The following ENOSF1 variants were observed in gnomAD, a reference collection of about 807,000 sequenced individuals.
ENOSF1 encodes the protein enolase superfamily member 1, also known as mitochondrial enolase superfamily member 1.
A neutral mutation model predicts 68.2 loss-of-function variants in ENOSF1; 73 were observed. That is an observed-to-expected ratio of 1.07 (90% confidence interval 0.89 to 1.30). ENOSF1 has a LOEUF of 1.30. ENOSF1 is among the 50% of genes most tolerant of loss of function. The pLI, the probability that ENOSF1 is intolerant of heterozygous loss-of-function variation, is 0.00. For missense variants in ENOSF1, 589 were observed against 554.5 expected (o/e 1.06, Z -0.62); for synonymous variants, 223 against 210.4 (o/e 1.06, Z -0.52).
At chr18:675,287 T>C (rs778908111) in intron 15 of ENOSF1, 34 bp downstream of exon 15, 1 of 1,556,358 alleles carries the variant, frequency 6.4e-7, no homozygotes, top group East Asian at 2.3e-5. Context: ...GCTGGCAGCA[T>C]CTCTTCTACA....
Position 688,537 on chromosome 18 carries a change from C to T in ENOSF1, c.653+37G>A, listed in dbSNP as rs199981269. 120 of 1,613,798 alleles carry T rather than the reference C, an allele frequency of 7.4e-5. No homozygotes were observed. The African/African-American group carries it at 1.2e-3, about 17-fold the overall frequency. ...GACTTACTGCCTGAGTCTCTCCTGC[C>T]GCCAACTGGGAAAGTCAGGTCCATC... On this transcript the variant is annotated intron_variant, in intron 9 of 15. Transcript: ENST00000647584.
At position 685,928 on chromosome 18, in the gene ENOSF1, T is replaced by A; in HGVS notation, c.734A>T (p.Lys245Met). The part of the protein sequence containing the change: ...QIIRDMIGPE[K>M]TLMMDANQRW... ...GTGTGAGAGGATATTTACCAAAGTC[T>A]TTTCCGGTCCAATCATGTCTCGGAT... is the stretch of plus-strand genomic sequence containing the variant. Residue 245 changes from lysine (K) to methionine (M), a missense_variant, in exon 10 of 16, where the codon AAG (lysine) becomes ATG (methionine). Transcript: ENST00000647584. The A allele has an allele frequency of 6.2e-7, 1 of 1,613,420 alleles. No homozygotes were observed. The highest frequency in any genetic ancestry group is 8.5e-7 in the Non-Finnish European group (1 of 1,179,386).
rs545672205 is a variant in ENOSF1 at position 674,670 on chromosome 18, C to T, written c.1231-264G>A. On this transcript the variant is annotated intron_variant, in intron 15 of 15. Transcript: ENST00000647584. ...TGTAGCTGGGATCACAGGCACCTGCCACCATGCCCGGCTAATTTTTTGTAT... is the reference window on the plus strand; with the variant it reads ...TGTAGCTGGGATCACAGGCACCTGCTACCATGCCCGGCTAATTTTTTGTAT... Among the ~76,000 whole-genome samples, 125 of 152,302 alleles carry T rather than the reference C, an allele frequency of 8.2e-4. 2 individuals carry two copies. The highest frequency in any genetic ancestry group is 2.9e-3 in the African/African-American group (122 of 41,568).
intron 3 of ENOSF1, among the ~76,000 whole-genome samples, chr18:695,214 C>T (rs1440258731): frequency 1.3e-5 from 2 of 152,144 alleles, no homozygotes; most frequent in Non-Finnish European, 2.9e-5. Flanking sequence ...TAAAAGAGTA[C>T]AGGCCACTTG....
At chr18:698,173 TGAGTA>T (rs1325318969) in intron 2 of ENOSF1, among the ~76,000 whole-genome samples, 11 of 152,228 alleles carry the variant, frequency 7.2e-5, no homozygotes, top group African/African-American at 2.4e-4. Context: ...CTAAACTTCC[TGAGTA>T]GAGAACACAT....
In ENOSF1 at chr18:670,509, T is replaced by G. The variant is rs1241401966; in HGVS notation, c.*3796A>C. On this transcript the variant is annotated 3_prime_UTR_variant, in exon 16 of 16. Coordinates refer to ENST00000647584, the MANE Select transcript of ENOSF1 (RefSeq NM_017512.7). ...CCTGCAGAAACCTTGCACCGATGGATAGTCTCCCTCAGCTCCGTGCCATCG... is the reference window on the plus strand; with the variant it reads ...CCTGCAGAAACCTTGCACCGATGGAGAGTCTCCCTCAGCTCCGTGCCATCG... The G allele has an allele frequency of 1.6e-6, 1 of 609,716 alleles. No individual in the cohort carries two copies. Among genetic ancestry groups the G allele is most frequent in the Non-Finnish European group, 2.9e-6 (1 of 349,900 alleles). 37.8% of individuals were successfully genotyped at this position (609,716 alleles called of 1,614,324 possible). A position where few individuals can be genotyped will look rare whatever the true frequency, so the allele number is the denominator to read the frequency against.
rs2075253146 is a variant in ENOSF1 at position 674,381 on chromosome 18, T to G, written c.1256A>C (p.Lys419Thr). 1 of 1,612,460 alleles carries G rather than the reference T, an allele frequency of 6.2e-7. No homozygotes were observed. The highest frequency in any genetic ancestry group is 8.5e-7 in the Non-Finnish European group (1 of 1,179,446). Residue 419 changes from lysine (K) to threonine (T), a missense_variant, in exon 16 of 16, where the codon AAG becomes ACG. Transcript: ENST00000647584. Reference protein sequence around the residue: ...PKDPGYSTEMKEESVKKHQYP... With the variant: ...PKDPGYSTEMTEESVKKHQYP... Reference sequence around the variant, plus strand: ...CTGGTGTTTCTTTACAGATTCCTCCTTCATTTCTGTTGAGTAGCCGGGATC... The same window carrying G: ...CTGGTGTTTCTTTACAGATTCCTCCGTCATTTCTGTTGAGTAGCCGGGATC...
In ENOSF1 at chr18:671,244, C is replaced by T. The variant is rs2075033625; in HGVS notation, c.*3061G>A. The T allele has an allele frequency of 1.4e-6, 1 of 697,490 alleles. No homozygotes were observed. The highest frequency in any genetic ancestry group is 1.7e-5 in the South Asian group (1 of 59,614). The allele number at this position is 697,490 out of a possible 1,614,324, so 43.2% of individuals were successfully genotyped here. On this transcript the variant is annotated 3_prime_UTR_variant, in exon 16 of 16. Coordinates refer to ENST00000647584, the MANE Select transcript of ENOSF1 (RefSeq NM_017512.7). Reference sequence around the variant, plus strand: ...GCAACATAACAAGATGCTGTTGCTACAAAAAAATGGAAAAGCTACACTAAA... The same window carrying T: ...GCAACATAACAAGATGCTGTTGCTATAAAAAAATGGAAAAGCTACACTAAA...
At chr18:689,493 G>A (rs2076940938) in intron 8 of ENOSF1, among the ~76,000 whole-genome samples, 1 of 152,108 alleles carries the variant, frequency 6.6e-6, no homozygotes, top group Non-Finnish European at 1.5e-5. Flanking sequence ...TGTTGGCCAG[G>A]CTGGTTTTGA....
chr18:683,480 C>G (rs1030935412), intron 10 of ENOSF1, 100 bp from the exon 11 acceptor site: 18 of 1,410,314 alleles, frequency 1.3e-5, no homozygotes, highest in Middle Eastern at 2.4e-4. Context: ...GTGCCACCAA[C>G]AGCTGAGTGA....
rs1203355010 is a variant in ENOSF1, at chr18:698,233, T to C, written c.194-878A>G. ...AAAAACAGAATCATAGATTGACAAG[T>C]TTAAATATAAATGTTCCCAAATTAT... On this transcript the variant is annotated intron_variant, in intron 2 of 15. Transcript: ENST00000647584. Among the ~76,000 whole-genome samples, 5 of 152,246 alleles carry C rather than the reference T, an allele frequency of 3.3e-5. No individual in the cohort carries two copies. In the East Asian group the frequency reaches 9.6e-4, roughly 29 times the overall value.
chr18:698,041 G>A (rs750997410), intron 2 of ENOSF1, among the ~76,000 whole-genome samples: 5 of 152,140 alleles, frequency 3.3e-5, no homozygotes, highest in Non-Finnish European at 7.4e-5. Flanking sequence ...TGATCCACCC[G>A]CCTTGGCCTC....
chr18:666,582 C>G (rs1012284628), downstream of ENOSF1, among the ~76,000 whole-genome samples: 1 of 152,192 alleles, frequency 6.6e-6, no homozygotes, highest in African/African-American at 2.4e-5. Flanking sequence ...AGACCAGCAA[C>G]CTGGAGAGCA....
the ENOSF1 span, among the ~76,000 whole-genome samples, chr18:664,687 G>A: frequency 6.7e-6 from 1 of 149,312 alleles, no homozygotes; most frequent in Non-Finnish European, 1.5e-5. Flanking sequence ...TTTGAAATAT[G>A]TCCCATCAAT....
intron 11 of ENOSF1, among the ~76,000 whole-genome samples, chr18:682,597 C>T (rs769616646): frequency 2.6e-5 from 4 of 151,428 alleles, no homozygotes; most frequent in South Asian, 2.1e-4. Context: ...AGGCCGGGCG[C>T]GGTGGCTCAC....
Position 670,537 on chromosome 18 carries a change from G to C in ENOSF1, c.*3768C>G. ...TCTCCCTCAGCTCCGTGCCATCGCTGCAGAGGCTGTTATGGACATCACTGC... is the reference window on the plus strand; with the variant it reads ...TCTCCCTCAGCTCCGTGCCATCGCTCCAGAGGCTGTTATGGACATCACTGC... On this transcript the variant is annotated 3_prime_UTR_variant, in exon 16 of 16. Coordinates refer to ENST00000647584, the MANE Select transcript of ENOSF1 (RefSeq NM_017512.7). The C allele has an allele frequency of 1.4e-6, 1 of 728,716 alleles. No individual in the cohort carries two copies. Among genetic ancestry groups the C allele is most frequent in the Non-Finnish European group, 2.2e-6 (1 of 445,282 alleles). 45.1% of individuals were successfully genotyped at this position (728,716 alleles called of 1,614,324 possible).
Position 674,211 on chromosome 18 carries a change from G to T in ENOSF1, c.*94C>A. 1.2e-6 allele frequency: 1 copy of T among 830,178 alleles called. No homozygotes were observed. Among genetic ancestry groups the T allele is most frequent in the Non-Finnish European group, 2.0e-6 (1 of 512,140 alleles). 51.4% of individuals were successfully genotyped at this position (830,178 alleles called of 1,614,324 possible). ...ACTTCTAGCTGAACTCATCTTGATC[G>T]GTAGGATTTTTTAAATCCATTTTTG... is the stretch of plus-strand genomic sequence containing the variant. On this transcript the variant is annotated 3_prime_UTR_variant, in exon 16 of 16. Coordinates refer to ENST00000647584, the MANE Select transcript of ENOSF1 (RefSeq NM_017512.7).
intron 3 of ENOSF1, among the ~76,000 whole-genome samples, chr18:695,316 T>A (rs550005125): frequency 3.9e-5 from 6 of 152,326 alleles, no homozygotes; most frequent in African/African-American, 1.2e-4. Flanking sequence ...ACTACATAAG[T>A]GATTATGTCA....
At chr18:677,621 T>G (rs2298582) in intron 13 of ENOSF1, 122 bp downstream of exon 13, 135,805 of 1,375,018 alleles carry the variant, frequency 0.099, 7,142 homozygotes, top group Middle Eastern at 0.12. Flanking sequence ...TAAATGAGAG[T>G]TAGAAAAAAA....
Sources: gnomAD v4.1 joint callset for allele counts (sites outside exome capture counted in the v4.1 genomes callset) on GRCh38, gnomAD v4.1.1 for gene constraint, MANE v1.5 for transcripts, NCBI Gene and HGNC (gene_info 2026-07-23, HGNC 2026-07-21) for gene names.